Variants in PACS2 observed in about 807,000 individuals in gnomAD.
PACS2 encodes the protein phosphofurin acidic cluster sorting protein 2.
In PACS2, 36 loss-of-function variants were observed where a neutral mutation model predicts 113.0. That is an observed-to-expected ratio of 0.32 (90% CI 0.24 to 0.42). The LOEUF (loss-of-function observed/expected upper bound fraction) is 0.42. PACS2 is among the 10% of genes least tolerant of loss of function. The pLI is 1.00. For missense variants in PACS2, 1,015 were observed against 1,239.5 expected (o/e 0.82, Z 2.72); for synonymous variants, 589 against 536.1 (o/e 1.10, Z -1.36).
intron 1 of PACS2, among the ~76,000 whole-genome samples, chr14:105,341,114 G>A (rs1358107687): frequency 6.6e-6 from 1 of 152,264 alleles, no homozygotes; most frequent in African/African-American, 2.4e-5. Context: ...AGCACACAGT[G>A]CGTTTCTGTG....
At position 105,396,207 on chromosome 14, in the gene PACS2, T is replaced by G. The variant is rs943658738; in HGVS notation, c.*1535T>G. The G allele has an allele frequency of 4.6e-5, 7 of 152,418 alleles. No homozygotes were observed. The highest frequency in any genetic ancestry group is 1.7e-4 in the African/African-American group (7 of 41,528). 9.4% of individuals were successfully genotyped at this position (152,418 alleles called of 1,614,324 possible). A position where few individuals can be genotyped will look rare whatever the true frequency, so the allele number is the denominator to read the frequency against. On this transcript the variant is annotated 3_prime_UTR_variant, in exon 25 of 25. Transcript: ENST00000447393. ...GTTCAGGCCTCAGAGGTAGCCTGTGTGCAGGAGGCAGAGCCCCAGCCCCTC... is the reference window on the plus strand; with the variant it reads ...GTTCAGGCCTCAGAGGTAGCCTGTGGGCAGGAGGCAGAGCCCCAGCCCCTC...
At chr14:105,385,562 A>G in intron 18 of PACS2, 123 bp from the exon 19 acceptor site, 1 of 585,892 alleles carries the variant, frequency 1.7e-6, no homozygotes, top group Non-Finnish European at 2.9e-6. Flanking sequence ...GCCAGCGCTC[A>G]CGGGCTCTCC....
rs116088738 is a variant in PACS2, at chr14:105,348,689, G to A, written c.207+109G>A. The A allele has an allele frequency of 5.6e-3, 4,660 of 833,954 alleles. 80 individuals are homozygous for A. Among genetic ancestry groups the A allele is most frequent in the African/African-American group, 0.047 (2,803 of 59,780 alleles). 51.7% of individuals were successfully genotyped at this position (833,954 alleles called of 1,614,324 possible). A position where few individuals can be genotyped will look rare whatever the true frequency, so the allele number is the denominator to read the frequency against. On this transcript the variant is annotated intron_variant, in intron 2 of 24. Coordinates refer to ENST00000447393, the MANE Select transcript of PACS2 (RefSeq NM_001100913.3). The surrounding 1 kb of genome is among the most constrained non-coding windows in gnomAD (Gnocchi z 6.4). Reference sequence around the variant, plus strand: ...CTGTGGGGCCTTGTGCCAAAACAGCGGGCAGCCCATGCCATCTCCGGGAGC... The same window carrying A: ...CTGTGGGGCCTTGTGCCAAAACAGCAGGCAGCCCATGCCATCTCCGGGAGC...
At chr14:105,393,734 C>A (rs1484754864) in intron 24 of PACS2, among the ~76,000 whole-genome samples, 1 of 151,708 alleles carries the variant, frequency 6.6e-6, no homozygotes, top group Non-Finnish European at 1.5e-5. Flanking sequence ...GGATTACAGG[C>A]GCGTGCCACC....
chr14:105,393,421 C>T (rs1277218194), intron 24 of PACS2, 86 bp downstream of exon 24: 22 of 827,696 alleles, frequency 2.7e-5, no homozygotes, highest in East Asian at 1.8e-4. Context: ...CTAGGAGCTG[C>T]GGGTGTCTCG....
Position 105,382,901 on chromosome 14 carries a change from G to A in PACS2, c.1613G>A (p.Arg538Gln), listed in dbSNP as rs782114646. Reference sequence around the variant, plus strand: ...GCGGCCTTCAGCACCATCGTCTCACGGATACAGAGATAGTGAGTTGGGCTC... The same window carrying A: ...GCGGCCTTCAGCACCATCGTCTCACAGATACAGAGATAGTGAGTTGGGCTC... ...VQAAFSTIVS[R>Q]IQRYCNCNSQ... The change falls in exon 15 of 25, where the codon CGG becomes CAG. Residue 538 changes from arginine (R) to glutamine (Q), a missense_variant. Transcript: ENST00000447393. The A allele has an allele frequency of 8.1e-6, 13 of 1,595,906 alleles. No homozygotes were observed. Among genetic ancestry groups the A allele is most frequent in the Admixed American group, 6.7e-5 (4 of 59,962 alleles).
chr14:105,381,368 C>G (rs1399599433), intron 12 of PACS2, among the ~76,000 whole-genome samples: 83 of 152,358 alleles, frequency 5.4e-4, no homozygotes, highest in Non-Finnish European at 2.9e-5. Flanking sequence ...CCCCCACATC[C>G]CCCTGAGTAG....
intron 1 of PACS2, among the ~76,000 whole-genome samples, chr14:105,335,516 T>G (rs115759684): frequency 0.024 from 3,663 of 152,286 alleles, 169 homozygotes; most frequent in African/African-American, 0.082. Context: ...CTTCCCCTAT[T>G]CTGGGGCAGG....
At chr14:105,313,473 A>C (rs1283912204), upstream of PACS2, among the ~76,000 whole-genome samples, 1 of 152,202 alleles carries the variant, frequency 6.6e-6, no homozygotes, top group East Asian at 1.9e-4. Flanking sequence ...GGAAACACAG[A>C]GTCCCTTGTT....
chr14:105,342,392 C>T (rs1323175785), intron 1 of PACS2, among the ~76,000 whole-genome samples: 2 of 151,992 alleles, frequency 1.3e-5, no homozygotes, highest in Admixed American at 1.3e-4. Context: ...CTCAGCCTCC[C>T]AAGTAGCTGG....
intron 20 of PACS2, 113 bp downstream of exon 20, chr14:105,390,116 C>T (rs1419215060): frequency 1.3e-5 from 13 of 976,320 alleles, no homozygotes; most frequent in East Asian, 4.8e-5. Flanking sequence ...CCCACAGATA[C>T]GAGCTGGGGA....
intron 21 of PACS2, 120 bp from the exon 22 acceptor site, chr14:105,391,511 C>T: frequency 1.5e-6 from 1 of 648,982 alleles, no homozygotes; most frequent in Non-Finnish European, 2.7e-6. Flanking sequence ...CCACTGGGGA[C>T]TCCCACCCTG....
Position 105,380,174 on chromosome 14 carries a change from A to C in PACS2, c.1125+20A>C. 1 of 1,545,260 alleles carries C rather than the reference A, an allele frequency of 6.5e-7. No individual in the cohort carries two copies. Among genetic ancestry groups the C allele is most frequent in the Non-Finnish European group, 8.8e-7 (1 of 1,142,540 alleles). ...GCCCTCGTAAGCAGGCTTGGGCCGC[A>C]CCCACCCGTTCCACACATCAGGCAC... On this transcript the variant is annotated intron_variant, in intron 11 of 24. Coordinates refer to ENST00000447393, the MANE Select transcript of PACS2 (RefSeq NM_001100913.3).
intron 1 of PACS2, among the ~76,000 whole-genome samples, chr14:105,302,578 T>C (rs940944341): frequency 6.6e-6 from 1 of 152,054 alleles, no homozygotes; most frequent in Non-Finnish European, 1.5e-5. Flanking sequence ...GTTCCCTTTT[T>C]CTAGTTTCTT....
chr14:105,304,337 A>G (rs587636008), intron 1 of PACS2, among the ~76,000 whole-genome samples: 18 of 152,182 alleles, frequency 1.2e-4, no homozygotes, highest in Non-Finnish European at 2.4e-4. Context: ...AAAAATACAA[A>G]AATTAGCAGG....
At chr14:105,320,805 T>C (rs1021640447) in intron 1 of PACS2, among the ~76,000 whole-genome samples, 1 of 152,224 alleles carries the variant, frequency 6.6e-6, no homozygotes, top group African/African-American at 2.4e-5. Flanking sequence ...TGGTATAGCT[T>C]ATGTAAAATT....
chr14:105,321,465 C>T (rs960339669), intron 1 of PACS2, among the ~76,000 whole-genome samples: 5 of 152,006 alleles, frequency 3.3e-5, no homozygotes, highest in South Asian at 2.1e-4. Flanking sequence ...CAGGCTTAAT[C>T]GATCCTCCCA....
chr14:105,361,479 G>A lies in PACS2; in HGVS notation c.424-5734G>A, dbSNP rs183490958. Among the ~76,000 whole-genome samples the A allele has an allele frequency of 7.9e-4, 120 of 151,060 alleles. 1 individual carries two copies. In the East Asian group the frequency reaches 0.016, roughly 20 times the overall value. ...TGGTGAAACCTTGTCTCTACTAAAA[G>A]TACAACAATTAGCCAGGTGTGGTAG... On this transcript the variant is annotated intron_variant, in intron 4 of 24. Transcript: ENST00000447393.
At chr14:105,314,456 C>A (rs1323024455), upstream of PACS2, 1 of 119,012 alleles carries the variant, frequency 8.4e-6, no homozygotes, top group South Asian at 2.6e-4. Context: ...CCGCGGCTCC[C>A]GGGGGGCGGG....
Sources: gnomAD v4.1 joint callset for allele counts (sites outside exome capture counted in the v4.1 genomes callset) on GRCh38, gnomAD v4.1.1 for gene constraint, Gnocchi (gnomAD v3.1) non-coding constraint, MANE v1.5 for transcripts, NCBI Gene and HGNC (gene_info 2026-07-23, HGNC 2026-07-21) for gene names.